The following ERN1 variants were observed in gnomAD, a reference collection of about 807,000 sequenced individuals.
ERN1 encodes serine/threonine-protein kinase/endoribonuclease IRE1.
ERN1 carries 39 observed loss-of-function variants against 113.1 expected under a neutral mutation model. The ratio of observed to expected loss-of-function variants is 0.34; its 90% CI spans 0.27 to 0.45. ERN1 has a LOEUF of 0.45. Among genes scored for constraint, ERN1 ranks in the 20% least tolerant of loss-of-function variants. The pLI, the probability that ERN1 is intolerant of heterozygous loss-of-function variation, is 1.00. For synonymous variants in ERN1, 507 were observed against 515.9 expected (o/e 0.98, Z 0.23); for missense variants, 976 against 1,274.8 (o/e 0.77, Z 3.57).
At chr17:64,126,117 A>T (rs1915074726) in intron 1 of ERN1, among the ~76,000 whole-genome samples, 1 of 152,198 alleles carries the variant, frequency 6.6e-6, no homozygotes, top group South Asian at 2.1e-4. Flanking sequence ...TCCAACCAGT[A>T]GTTTATTATT....
intron 1 of ERN1, among the ~76,000 whole-genome samples, chr17:64,101,507 T>C (rs1482070073): frequency 2.0e-5 from 3 of 152,188 alleles, no homozygotes; most frequent in Non-Finnish European, 2.9e-5. Context: ...TGCTAATCTG[T>C]AGATTAGCAA....
intron 2 of ERN1, among the ~76,000 whole-genome samples, chr17:64,083,241 A>T (rs1913824079): frequency 6.6e-6 from 1 of 152,166 alleles, no homozygotes; most frequent in African/African-American, 2.4e-5. Flanking sequence ...ATATGGTTAA[A>T]TTTTTTCATA....
chr17:64,102,045 C>T (rs1049149956), intron 1 of ERN1, among the ~76,000 whole-genome samples: 2 of 151,904 alleles, frequency 1.3e-5, no homozygotes, highest in African/African-American at 2.4e-5. Context: ...TTTGGGAGGC[C>T]GAGGTGGGTG....
intron 2 of ERN1, among the ~76,000 whole-genome samples, chr17:64,089,455 G>A (rs1347911949): frequency 6.6e-6 from 1 of 151,940 alleles, no homozygotes; most frequent in Non-Finnish European, 1.5e-5. Flanking sequence ...ATGCTCACTG[G>A]AACATTTTGG....
chr17:64,083,952 T>G (rs1488212442), intron 2 of ERN1, among the ~76,000 whole-genome samples: 1 of 152,206 alleles, frequency 6.6e-6, no homozygotes, highest in Non-Finnish European at 1.5e-5. Flanking sequence ...CAGTGAATTT[T>G]TGTCCCCACT....
intron 1 of ERN1, among the ~76,000 whole-genome samples, chr17:64,108,981 G>GC (rs1914603835): frequency 6.6e-6 from 1 of 152,108 alleles, no homozygotes; most frequent in African/African-American, 2.4e-5. Flanking sequence ...AAAATTAGCT[G>GC]GGCGTGGTGG....
At chr17:64,100,305 G>A (rs1914350081) in intron 1 of ERN1, among the ~76,000 whole-genome samples, 1 of 152,086 alleles carries the variant, frequency 6.6e-6, no homozygotes. Flanking sequence ...TGTTAGGTGT[G>A]ACAGTTTGGA....
At chr17:64,096,938 G>A (rs1448743021) in intron 2 of ERN1, among the ~76,000 whole-genome samples, 1 of 152,220 alleles carries the variant, frequency 6.6e-6, no homozygotes, top group African/African-American at 2.4e-5. Flanking sequence ...CACAGCCAAA[G>A]TGTTTCTCTC....
chr17:64,112,539 C>G (rs1315781290), intron 1 of ERN1, among the ~76,000 whole-genome samples: 1 of 152,088 alleles, frequency 6.6e-6, no homozygotes, highest in Non-Finnish European at 1.5e-5. Flanking sequence ...CAGTGTAGTT[C>G]CTGAGCAGTA....
rs554668687 is a variant in ERN1, at chr17:64,053,113, G to A, written c.2054-134C>T. On this transcript the variant is annotated intron_variant, in intron 16 of 21. Coordinates refer to ENST00000433197, the MANE Select transcript of ERN1 (RefSeq NM_001433.5). Reference sequence around the variant, plus strand: ...AAATGTTCTGATTTTCAACTATGTCGGATTCCTCCTCAAATTCTTACACCA... The same window carrying A: ...AAATGTTCTGATTTTCAACTATGTCAGATTCCTCCTCAAATTCTTACACCA... 6.1e-5 allele frequency: 56 copies of A among 923,372 alleles called. No homozygotes were observed. In the Admixed American group the frequency reaches 6.6e-4, roughly 11 times the overall value. 57.2% of individuals were successfully genotyped at this position (923,372 alleles called of 1,614,324 possible). A position where few individuals can be genotyped will look rare whatever the true frequency, so the allele number is the denominator to read the frequency against.
chr17:64,045,322 T>C (rs1440841390), intron 20 of ERN1, 37 bp downstream of exon 20: 4 of 1,612,646 alleles, frequency 2.5e-6, no homozygotes, highest in Non-Finnish European at 3.4e-6. Flanking sequence ...GCAGCGACTT[T>C]TGCAACCTGC....
chr17:64,070,115 T>C (rs981893015), intron 6 of ERN1, among the ~76,000 whole-genome samples: 4 of 152,196 alleles, frequency 2.6e-5, no homozygotes, highest in Admixed American at 2.0e-4. Context: ...TAGGAGGCAC[T>C]GTAACACCCA....
Position 64,043,980 on chromosome 17 carries a change from G to A in ERN1, c.*8C>T, listed in dbSNP as rs764940908. ...CTGGGGCCACCAGAACAGAGGGGCC[G>A]CCCTCGCTCAGAGGGCGTCTGGAGT... On this transcript the variant is annotated 3_prime_UTR_variant, in exon 22 of 22. Transcript: ENST00000433197. The A allele has an allele frequency of 4.4e-6, 7 of 1,591,898 alleles. No individual in the cohort carries two copies. The highest frequency in any genetic ancestry group is 5.2e-6 in the Non-Finnish European group (6 of 1,163,084).
In ERN1 at chr17:64,066,696, C is replaced by T. The variant is rs751577144; in HGVS notation, c.817G>A (p.Glu273Lys). ...ITKWKYPFPK[E>K]TEAKSKLTPT... ...GTCAGCTTGCTCTTGGCCTCTGTCT[C>T]CTTGGGGAACGGGTACTTCCACTTT... is the stretch of plus-strand genomic sequence containing the variant. Residue 273 changes from glutamate to lysine, a missense_variant, in exon 8 of 22, where the codon GAG becomes AAG. By Grantham distance (56) the Glu-to-Lys change is moderately conservative. Coordinates refer to ENST00000433197, the MANE Select transcript of ERN1 (RefSeq NM_001433.5). The T allele has an allele frequency of 6.8e-6, 11 of 1,614,020 alleles. No individual in the cohort carries two copies. The Admixed American group carries it at 1.7e-4, about 24-fold the overall frequency.
At chr17:64,080,534 G>A in intron 3 of ERN1, 1 of 466,580 alleles carries the variant, frequency 2.1e-6, no homozygotes, top group Non-Finnish European at 3.9e-6. Context: ...TAAGTTCAAA[G>A]CTCAACTTGA....
chr17:64,088,729 T>C (rs1215828319), intron 2 of ERN1, among the ~76,000 whole-genome samples: 1 of 152,102 alleles, frequency 6.6e-6, no homozygotes, highest in Admixed American at 6.6e-5. Flanking sequence ...AACGAACTGC[T>C]AGAACATGGG....
intron 13 of ERN1, 128 bp downstream of exon 13, chr17:64,055,547 T>G: frequency 1.7e-5 from 14 of 835,656 alleles, no homozygotes; most frequent in Admixed American, 3.7e-5. Flanking sequence ...ACCCCCAGAG[T>G]GGAAGTTAGA....
chr17:64,079,614 C>A, intron 4 of ERN1, 48 bp downstream of exon 4: 1 of 1,469,752 alleles, frequency 6.8e-7, no homozygotes, highest in Non-Finnish European at 9.5e-7. Flanking sequence ...ACTTAAGGAC[C>A]GCTGGTCTAG....
chr17:64,066,955 G>T, intron 7 of ERN1, 23 bp from the exon 8 acceptor site: 1 of 1,603,428 alleles, frequency 6.2e-7, no homozygotes, highest in East Asian at 2.2e-5. Flanking sequence ...AATAAACAAA[G>T]CATGCTGAGT....
Sources: gnomAD v4.1 joint callset for allele counts (sites outside exome capture counted in the v4.1 genomes callset) on GRCh38, gnomAD v4.1.1 for gene constraint, MANE v1.5 for transcripts, NCBI Gene and HGNC (gene_info 2026-07-23, HGNC 2026-07-21) for gene names.